The following EPSTI1 variants were observed in gnomAD, a reference collection of about 807,000 sequenced individuals.
EPSTI1 encodes the protein epithelial-stromal interaction protein 1.
In EPSTI1, 66 loss-of-function variants were observed where a neutral mutation model predicts 49.9. That is an observed-to-expected ratio of 1.32 (90% CI 1.08 to 1.62). EPSTI1 has a LOEUF of 1.62. EPSTI1 is among the 40% of genes most tolerant of loss of function. The pLI is 0.00. For synonymous variants in EPSTI1, 137 were observed against 130.7 expected, an observed-to-expected ratio of 1.05 and a Z score of -0.33; for missense variants, 394 against 365.5, an observed-to-expected ratio of 1.08 and a Z score of -0.64.
intron 8 of EPSTI1, among the ~76,000 whole-genome samples, chr13:42,915,052 A>G (rs2037792225): frequency 6.6e-6 from 1 of 152,242 alleles, no homozygotes; most frequent in Admixed American, 6.5e-5. Flanking sequence ...TAGATTATTT[A>G]CCTAAGAATT....
chr13:42,891,020 A>C (rs1412816255), intron 10 of EPSTI1, among the ~76,000 whole-genome samples: 1 of 152,146 alleles, frequency 6.6e-6, no homozygotes, highest in Non-Finnish European at 1.5e-5. Context: ...TTCTTTTATA[A>C]TTTATGAGGT....
At chr13:42,945,585 CTA>C (rs1226306023) in intron 6 of EPSTI1, among the ~76,000 whole-genome samples, 1 of 152,210 alleles carries the variant, frequency 6.6e-6, no homozygotes, top group Non-Finnish European at 1.5e-5. Context: ...ATGACTAAAG[CTA>C]TGTTTTAGAA....
At chr13:42,987,684 C>T (rs1240502495) in intron 1 of EPSTI1, among the ~76,000 whole-genome samples, 3 of 152,046 alleles carry the variant, frequency 2.0e-5, no homozygotes, top group Admixed American at 2.0e-4. Flanking sequence ...GATTGGATAC[C>T]CCTGCTTTAA....
intron 1 of EPSTI1, among the ~76,000 whole-genome samples, chr13:42,989,558 C>CTTTT (rs1566186135): frequency 3.3e-5 from 2 of 60,858 alleles, no homozygotes; most frequent in Non-Finnish European, 8.4e-5. Context: ...GCACTTTATC[C>CTTTT]TCTTTTTTCT....
chr13:42,888,478 A>G lies in EPSTI1; in HGVS notation c.*16T>C, dbSNP rs766020438. ...CGAGGTCAGTTGATGAAGGCCAGATAGGAGTCAATATTTTCTCATATACCC... is the reference window on the plus strand; with the variant it reads ...CGAGGTCAGTTGATGAAGGCCAGATGGGAGTCAATATTTTCTCATATACCC... On this transcript the variant is annotated 3_prime_UTR_variant, in exon 11 of 11. Coordinates refer to ENST00000313624, the MANE Select transcript of EPSTI1 (RefSeq NM_033255.5). 6.8e-6 allele frequency: 11 copies of G among 1,613,836 alleles called. No individual in the cohort carries two copies. The highest frequency in any genetic ancestry group is 9.3e-6 in the Non-Finnish European group (11 of 1,179,904).
chr13:42,942,158 T>C (rs2038773670), intron 6 of EPSTI1, among the ~76,000 whole-genome samples: 2 of 152,212 alleles, frequency 1.3e-5, no homozygotes, highest in Non-Finnish European at 2.9e-5. Flanking sequence ...CTAATATTGC[T>C]GCTTTTGTTA....
rs1338517150 is a variant in EPSTI1, at chr13:42,922,456, T to G, written c.657+3880A>C. 6.6e-6 allele frequency among the ~76,000 whole-genome samples: 1 copy of G among 152,086 alleles called. No homozygotes were observed. Among genetic ancestry groups the G allele is most frequent in the Non-Finnish European group, 1.5e-5 (1 of 68,024 alleles). On this transcript the variant is annotated intron_variant, in intron 7 of 10. Coordinates refer to ENST00000313624, the MANE Select transcript of EPSTI1 (RefSeq NM_033255.5). This position sits in a 1 kb window ranked among gnomAD's most constrained non-coding sequence, Gnocchi z 4.8. Reference sequence around the variant, plus strand: ...TGAGATGGAAGCTAAACTGGAGCCATGCAGCCGTGTGCCAAGGGTTTGCGG... The same window carrying G: ...TGAGATGGAAGCTAAACTGGAGCCAGGCAGCCGTGTGCCAAGGGTTTGCGG...
At chr13:42,988,038 G>T (rs917703954) in intron 1 of EPSTI1, among the ~76,000 whole-genome samples, 2 of 151,998 alleles carry the variant, frequency 1.3e-5, no homozygotes, top group African/African-American at 4.8e-5. Flanking sequence ...CATATTATAG[G>T]TTCATTTTCA....
chr13:42,987,032 C>A (rs1449186755), intron 1 of EPSTI1, among the ~76,000 whole-genome samples: 2 of 152,104 alleles, frequency 1.3e-5, no homozygotes, highest in Admixed American at 1.3e-4. Context: ...GAGTTGTATC[C>A]TTTATGATAA....
chr13:42,968,372 C>T (rs35655739), intron 3 of EPSTI1, among the ~76,000 whole-genome samples: 3 of 152,054 alleles, frequency 2.0e-5, no homozygotes, highest in African/African-American at 7.2e-5. Flanking sequence ...CTATCACAAC[C>T]GTAAGTGGCC....
At chr13:42,964,526 A>G (rs548769375) in intron 3 of EPSTI1, among the ~76,000 whole-genome samples, 1 of 152,260 alleles carries the variant, frequency 6.6e-6, no homozygotes, top group Admixed American at 6.5e-5. Flanking sequence ...CCTAGTAAAG[A>G]TGGTGATCAA....
chr13:42,918,694 G>C (rs2037906690), intron 7 of EPSTI1, among the ~76,000 whole-genome samples: 1 of 152,154 alleles, frequency 6.6e-6, no homozygotes, highest in Non-Finnish European at 1.5e-5. Context: ...TAGAAAACTG[G>C]AGCTTCCTGT....
At chr13:42,941,606 C>T (rs1270389290) in intron 6 of EPSTI1, among the ~76,000 whole-genome samples, 5 of 131,518 alleles carry the variant, frequency 3.8e-5, no homozygotes, top group African/African-American at 1.5e-4. Context: ...GGTGACAGAG[C>T]AAGACACTGG....
rs1260317992 is a variant in EPSTI1 at position 42,886,663 on chromosome 13, G to A, written c.*1831C>T. ...AATGGTGGGCTCCTTTAGGCAGCAA[G>A]TCTTGCTTCTCTCCTGGTTACCTCT... On this transcript the variant is annotated 3_prime_UTR_variant, in exon 11 of 11. Transcript: ENST00000313624. The A allele has an allele frequency of 6.6e-6, 1 of 152,138 alleles. No homozygotes were observed. The highest frequency in any genetic ancestry group is 1.5e-5 in the Non-Finnish European group (1 of 68,026). The allele number at this position is 152,138 out of a possible 1,614,324, so 9.4% of individuals were successfully genotyped here. A position where few individuals can be genotyped will look rare whatever the true frequency, so the allele number is the denominator to read the frequency against.
At chr13:42,910,628 C>T (rs1304083647) in intron 8 of EPSTI1, among the ~76,000 whole-genome samples, 3 of 152,106 alleles carry the variant, frequency 2.0e-5, no homozygotes, top group Non-Finnish European at 4.4e-5. Flanking sequence ...GCAAATTGCT[C>T]CCATGCATAA....
intron 8 of EPSTI1, among the ~76,000 whole-genome samples, chr13:42,904,255 C>G (rs2037437222): frequency 1.3e-5 from 2 of 152,172 alleles, no homozygotes; most frequent in Admixed American, 1.3e-4. Flanking sequence ...TTCACATAAA[C>G]CAATAAGGAA....
intron 1 of EPSTI1, among the ~76,000 whole-genome samples, chr13:42,985,743 C>T (rs1218027720): frequency 4.6e-5 from 7 of 152,174 alleles, no homozygotes; most frequent in Non-Finnish European, 4.4e-5. Context: ...AAAAACAAAA[C>T]AATAAAATCC....
chr13:42,907,491 C>T (rs888219506), intron 8 of EPSTI1, among the ~76,000 whole-genome samples: 2 of 152,018 alleles, frequency 1.3e-5, no homozygotes, highest in African/African-American at 4.8e-5. Context: ...TAAATGTATA[C>T]CTTTAGATCT....
At chr13:42,912,085 A>G (rs2037703270) in intron 8 of EPSTI1, among the ~76,000 whole-genome samples, 4 of 152,352 alleles carry the variant, frequency 2.6e-5, no homozygotes, top group South Asian at 4.1e-4. Context: ...ATGACTTTCT[A>G]AATGACTATA....
Sources: allele counts gnomAD v4.1 joint callset (sites outside exome capture counted in the v4.1 genomes callset), GRCh38; gene constraint gnomAD v4.1.1; non-coding constraint Gnocchi (gnomAD v3.1); transcripts MANE v1.5; gene names NCBI Gene and HGNC (gene_info 2026-07-23, HGNC 2026-07-21).